Variants in NIPBL observed in about 807,000 individuals in gnomAD.
The protein encoded by NIPBL is NIPBL cohesin loading factor.
NIPBL carries 19 observed loss-of-function variants against 321.8 expected under a neutral mutation model. That is an observed-to-expected ratio of 0.06 (90% confidence interval 0.04 to 0.09). NIPBL has a LOEUF of 0.09. Among genes scored for constraint, NIPBL ranks in the 10% least tolerant of loss-of-function variants. The pLI is 1.00. For missense variants in NIPBL, 2,210 were observed against 3,327.0 expected (o/e 0.66, Z 8.26); for synonymous variants, 1,106 against 1,114.1 (o/e 0.99, Z 0.14).
In NIPBL at chr5:37,002,784, AT is replaced by A; in HGVS notation, c.3768+22del. 1.5e-6 allele frequency: 2 copies of A among 1,300,672 alleles called. No individual in the cohort carries two copies. Among genetic ancestry groups the A allele is most frequent in the South Asian group, 1.2e-5 (1 of 81,918 alleles). The allele number at this position is 1,300,672 out of a possible 1,614,324, so 80.6% of individuals were successfully genotyped here. ...GGATAAGGTATCTCACCAAAGTAAAATTTATAAATTTACTTCATAGAAACAT... is the reference window on the plus strand; with the variant it reads ...GGATAAGGTATCTCACCAAAGTAAAATTATAAATTTACTTCATAGAAACAT... On this transcript the variant is annotated intron_variant, in intron 15 of 46. Coordinates refer to ENST00000282516, the MANE Select transcript of NIPBL (RefSeq NM_133433.4).
intron 1 of NIPBL, among the ~76,000 whole-genome samples, chr5:36,930,211 G>A (rs1371783704): frequency 6.6e-6 from 1 of 152,076 alleles, no homozygotes; most frequent in Non-Finnish European, 1.5e-5. Context: ...TATGAGCATG[G>A]AATGTTTTAG....
At position 37,007,141 on chromosome 5, in the gene NIPBL, G is replaced by A. The variant is rs1413330518; in HGVS notation, c.4088-182G>A. Among the ~76,000 whole-genome samples, 3 of 151,898 alleles carry A rather than the reference G, an allele frequency of 2.0e-5. No individual in the cohort carries two copies. In the East Asian group the frequency reaches 5.8e-4, roughly 29 times the overall value. ...AGCTGCTGAAGATTATCTGATGCAA[G>A]AATGTTTCTAATAGAATATCTCTAG... is the stretch of plus-strand genomic sequence containing the variant. On this transcript the variant is annotated intron_variant, in intron 17 of 46. Coordinates refer to ENST00000282516, the MANE Select transcript of NIPBL (RefSeq NM_133433.4).
intron 1 of NIPBL, among the ~76,000 whole-genome samples, chr5:36,926,722 T>G (rs1363589201): frequency 2.0e-5 from 3 of 152,164 alleles, no homozygotes; most frequent in Non-Finnish European, 4.4e-5. Context: ...GTTTTTATTT[T>G]TTATTTTTGT....
Position 37,016,191 on chromosome 5 carries a change from G to T in NIPBL, c.4776+21G>T, listed in dbSNP as rs1160817285. 1.9e-6 allele frequency: 3 copies of T among 1,608,678 alleles called. No homozygotes were observed. The African/African-American group carries it at 4.0e-5, about 21-fold the overall frequency. On this transcript the variant is annotated intron_variant, in intron 23 of 46. Coordinates refer to ENST00000282516, the MANE Select transcript of NIPBL (RefSeq NM_133433.4). ...TGTTGGTAAGAGTATAGCATTTAAA[G>T]ATTATTAGATTACTAGAAGACAACA...
chr5:37,047,445 C>T (rs574552058), intron 38 of NIPBL, among the ~76,000 whole-genome samples: 1 of 152,200 alleles, frequency 6.6e-6, no homozygotes, highest in African/African-American at 2.4e-5. Context: ...TCATTTTATT[C>T]CTCCTCCATC....
chr5:36,942,876 G>T (rs191534339), intron 1 of NIPBL, among the ~76,000 whole-genome samples: 2 of 151,762 alleles, frequency 1.3e-5, no homozygotes, highest in African/African-American at 4.8e-5. Context: ...CAAATACAGC[G>T]CAAGGGAAAC....
At chr5:37,009,854 T>C (rs1026003639) in intron 20 of NIPBL, among the ~76,000 whole-genome samples, 1 of 152,234 alleles carries the variant, frequency 6.6e-6, no homozygotes, top group Non-Finnish European at 1.5e-5. Context: ...CATACAAATT[T>C]GTATTAAATA....
chr5:36,975,830 G>T lies in NIPBL; in HGVS notation c.923G>T (p.Arg308Leu). 6.2e-7 allele frequency: 1 copy of T among 1,612,932 alleles called. No individual in the cohort carries two copies. Among genetic ancestry groups the T allele is most frequent in the Non-Finnish European group, 8.5e-7 (1 of 1,179,692 alleles). Residue 308 changes from arginine to leucine, a missense_variant, in exon 9 of 47, where the codon CGA becomes CTA. Around this residue, in one of 14 missense-constraint regions of NIPBL, gnomAD observed 464 missense variants for 529.5 expected, o/e 0.88. Coordinates refer to ENST00000282516, the MANE Select transcript of NIPBL (RefSeq NM_133433.4). ...QSQSLPCSSP[R>L]DVPPDILLDS... ...CAGTCTCTACCTTGTTCATCACCTC[G>T]AGATGTTCCACCAGATATCTTGCTA... is the stretch of plus-strand genomic sequence containing the variant.
At position 36,885,374 on chromosome 5, in the gene NIPBL, G is replaced by A. The variant is rs1406982966; in HGVS notation, c.-80+8196G>A. 7 of 457,830 alleles carry A rather than the reference G, an allele frequency of 1.5e-5. 1 individual carries two copies. Among genetic ancestry groups the A allele is most frequent in the South Asian group, 6.9e-5 (4 of 58,100 alleles). 28.4% of individuals were successfully genotyped at this position (457,830 alleles called of 1,614,324 possible). On this transcript the variant is annotated intron_variant, in intron 1 of 46. Coordinates refer to ENST00000282516, the MANE Select transcript of NIPBL (RefSeq NM_133433.4). ...GTCCTGTTCCACCAGCTTCCGCGGC[G>A]GCTTGGGGTCCAGGGGCCTGGCCAA...
chr5:36,970,942 C>G lies in NIPBL; in HGVS notation c.677C>G (p.Pro226Arg). The G allele has an allele frequency of 6.2e-7, 1 of 1,613,530 alleles. No individual in the cohort carries two copies. The highest frequency in any genetic ancestry group is 8.5e-7 in the Non-Finnish European group (1 of 1,179,628). The change falls in exon 7 of 47, where the codon CCG (proline) becomes CGG (arginine). Residue 226 changes from proline to arginine, a missense_variant. Pro to Arg is a moderately radical substitution (Grantham distance 103, BLOSUM62 -2). Transcript: ENST00000282516. ...RNIHDNKVSGPLSGNSANHHA... is the reference protein window; with the variant it reads ...RNIHDNKVSGRLSGNSANHHA... ...ATACATGATAATAAAGTTTCTGGTC[C>G]GTTGTCTGGCAATTCAGCTAATCAT... is the stretch of plus-strand genomic sequence containing the variant.
intron 1 of NIPBL, among the ~76,000 whole-genome samples, chr5:36,883,545 T>C (rs1745660251): frequency 9.0e-6 from 1 of 111,506 alleles, no homozygotes; most frequent in Non-Finnish European, 1.7e-5. Flanking sequence ...AACTAACAAA[T>C]GTCTAAAACA....
chr5:36,995,604 T>C lies in NIPBL; in HGVS notation c.3122-18T>C. On this transcript the variant is annotated intron_variant, in intron 10 of 46. Transcript: ENST00000282516. ...TTCAGATTTACATTTTTTTTTTAAATTTACCTTTCATTAATAGGTAGTATA... is the reference window on the plus strand; with the variant it reads ...TTCAGATTTACATTTTTTTTTTAAACTTACCTTTCATTAATAGGTAGTATA... 1 of 1,573,136 alleles carries C rather than the reference T, an allele frequency of 6.4e-7. No homozygotes were observed. The highest frequency in any genetic ancestry group is 1.7e-5 in the Admixed American group (1 of 58,732).
chr5:37,021,673 T>G (rs1263630125), intron 27 of NIPBL, among the ~76,000 whole-genome samples: 1 of 152,158 alleles, frequency 6.6e-6, no homozygotes, highest in East Asian at 1.9e-4. Flanking sequence ...AGAGCGAGAC[T>G]CCATCCCAAA....
chr5:36,908,285 T>G (rs1364510287), intron 1 of NIPBL, among the ~76,000 whole-genome samples: 1 of 152,138 alleles, frequency 6.6e-6, no homozygotes, highest in East Asian at 1.9e-4. Context: ...CTTCTTAACT[T>G]AAAAAAAGCA....
chr5:36,935,426 T>A (rs1369207602), intron 1 of NIPBL, among the ~76,000 whole-genome samples: 1 of 152,138 alleles, frequency 6.6e-6, no homozygotes, highest in Non-Finnish European at 1.5e-5. Flanking sequence ...CTTCTCTAAG[T>A]CACCAGTAAC....
At chr5:37,038,886 T>G in intron 34 of NIPBL, 148 bp downstream of exon 34, 1 of 898,148 alleles carries the variant, frequency 1.1e-6, no homozygotes, top group Non-Finnish European at 1.7e-6. Flanking sequence ...AAGTGATCTA[T>G]AAACATCAAG....
intron 44 of NIPBL, among the ~76,000 whole-genome samples, chr5:37,060,442 G>A (rs2149754912): frequency 1.3e-5 from 2 of 152,262 alleles, no homozygotes; most frequent in South Asian, 4.1e-4. Flanking sequence ...GAGATTATAG[G>A]CATGAGCCAC....
At chr5:37,055,293 A>G (rs1263529118) in intron 42 of NIPBL, among the ~76,000 whole-genome samples, 1 of 149,898 alleles carries the variant, frequency 6.7e-6, no homozygotes. Context: ...AGAGATTGGC[A>G]GTGAGCTGAG....
intron 1 of NIPBL, among the ~76,000 whole-genome samples, chr5:36,879,276 T>G (rs1745333448): frequency 6.6e-6 from 1 of 152,210 alleles, no homozygotes; most frequent in South Asian, 2.1e-4. Flanking sequence ...AGAGATGGGT[T>G]TATGTGATTG....
Sources: allele counts gnomAD v4.1 joint callset (sites outside exome capture counted in the v4.1 genomes callset), GRCh38; gene constraint gnomAD v4.1.1; regional missense constraint gnomAD v4.1.1; transcripts MANE v1.5; gene names NCBI Gene and HGNC (gene_info 2026-07-23, HGNC 2026-07-21).